P2RY12: variants seen among roughly 807,000 people sequenced by gnomAD.
The protein encoded by P2RY12 is purinergic receptor P2Y12, also known as P2Y purinoceptor 12.
Under a neutral mutation model 4.5 loss-of-function variants are expected in P2RY12, and 3 were observed. The observed-to-expected ratio is 0.67, with a 90% CI of 0.31 to 1.74. P2RY12 has a LOEUF of 1.74. Ranked by LOEUF, P2RY12 falls within the 40% of genes most tolerant of loss-of-function variation. The pLI, the probability that P2RY12 is intolerant of heterozygous loss-of-function variation, is 0.09. For missense variants in P2RY12, 356 were observed against 407.8 expected, an observed-to-expected ratio of 0.87 and a Z score of 1.09; for synonymous variants, 148 against 154.1, an observed-to-expected ratio of 0.96 and a Z score of 0.29.
At position 151,372,869 on chromosome 3, in the gene P2RY12, C is replaced by T. The variant is rs1278807499; in HGVS notation, c.-180+11823G>A. 1.0e-5 allele frequency: 8 copies of T among 784,094 alleles called. No homozygotes were observed. In the Admixed American group the frequency reaches 2.2e-4, roughly 22 times the overall value. 48.6% of individuals were successfully genotyped at this position (784,094 alleles called of 1,614,324 possible). A position where few individuals can be genotyped will look rare whatever the true frequency, so the allele number is the denominator to read the frequency against. On this transcript the variant is annotated intron_variant, in intron 1 of 2. Transcript: ENST00000302632. ...CTTGTGCATAGGTGGGCCTTTTTTT[C>T]TTGCTCACTTTATTTCGAAATAATT... is the stretch of plus-strand genomic sequence containing the variant.
At chr3:151,370,682 TAATA>T (rs1756066280) in intron 1 of P2RY12, among the ~76,000 whole-genome samples, 1 of 152,206 alleles carries the variant, frequency 6.6e-6, no homozygotes, top group African/African-American at 2.4e-5. Flanking sequence ...CGGTTCTACT[TAATA>T]AATAAATGTA....
At chr3:151,350,341 A>AG in intron 1 of P2RY12, 2 of 701,044 alleles carry the variant, frequency 2.9e-6, no homozygotes, top group African/African-American at 1.8e-5. Context: ...TTGAAATGTG[A>AG]ACAAGCACAT....
At chr3:151,352,012 G>C (rs186209430) in intron 1 of P2RY12, among the ~76,000 whole-genome samples, 4 of 152,200 alleles carry the variant, frequency 2.6e-5, no homozygotes, top group Admixed American at 6.5e-5. Flanking sequence ...GGACCAGAAG[G>C]GTTTTGGATT....
intron 1 of P2RY12, among the ~76,000 whole-genome samples, chr3:151,368,760 A>ATTTTTTTTTT (rs201834162): frequency 1.2e-5 from 1 of 80,314 alleles, no homozygotes; most frequent in Non-Finnish European, 2.6e-5. Context: ...ATGTCATTTC[A>ATTTTTTTTTT]TTTTTTTTTT....
chr3:151,376,167 A>G (rs748302789), intron 1 of P2RY12: 2 of 1,606,610 alleles, frequency 1.2e-6, no homozygotes, highest in Non-Finnish European at 8.5e-7. Context: ...TAAAGAATGT[A>G]CCGAGGGGGA....
chr3:151,382,764 A>AT (rs748478045), intron 1 of P2RY12: 3 of 1,587,642 alleles, frequency 1.9e-6, no homozygotes, highest in Admixed American at 1.7e-5. Context: ...CATTTCTAGT[A>AT]TTTTCCCTCC....
chr3:151,338,313 A>G lies in P2RY12; in HGVS notation c.533T>C (p.Leu178Pro). Reference sequence around the variant, plus strand: ...CCAGACTAGACCGAACTCTGATTTAAGGAAAGAGCATTTCTTCACATTCTT... The same window carrying G: ...CCAGACTAGACCGAACTCTGATTTAGGGAAAGAGCATTTCTTCACATTCTT... ...RDKNVKKCSF[L>P]KSEFGLVWHE... Residue 178 changes from leucine (L) to proline (P), a missense_variant, in exon 3 of 3, where the codon CTT becomes CCT. Transcript: ENST00000302632. 2 of 1,614,134 alleles carry G rather than the reference A, an allele frequency of 1.2e-6. No homozygotes were observed. The highest frequency in any genetic ancestry group is 1.7e-6 in the Non-Finnish European group (2 of 1,180,002).
intron 1 of P2RY12, among the ~76,000 whole-genome samples, chr3:151,368,473 G>A (rs1377604519): frequency 6.6e-6 from 1 of 152,070 alleles, no homozygotes; most frequent in Non-Finnish European, 1.5e-5. Flanking sequence ...GAGTTAGTAA[G>A]CAATAAAAAT....
At chr3:151,357,675 G>T (rs73006595) in intron 1 of P2RY12, among the ~76,000 whole-genome samples, 3,343 of 152,214 alleles carry the variant, frequency 0.022, 118 homozygotes, top group African/African-American at 0.078. Context: ...CAGCATCCTG[G>T]CATATTATGA....
intron 1 of P2RY12, among the ~76,000 whole-genome samples, chr3:151,373,679 T>C (rs1162202532): frequency 2.0e-5 from 3 of 152,194 alleles, no homozygotes; most frequent in African/African-American, 7.2e-5. Flanking sequence ...TATAATATAC[T>C]GTACTTAGTT....
chr3:151,358,554 G>A (rs1754215912), intron 1 of P2RY12, among the ~76,000 whole-genome samples: 1 of 151,966 alleles, frequency 6.6e-6, no homozygotes, highest in African/African-American at 2.4e-5. Flanking sequence ...TTAATGGGTT[G>A]TGACAAGTTT....
At chr3:151,365,555 A>G (rs186357312) in intron 1 of P2RY12, among the ~76,000 whole-genome samples, 165 of 152,324 alleles carry the variant, frequency 1.1e-3, no homozygotes, top group African/African-American at 3.4e-3. Flanking sequence ...AAATTTTTTG[A>G]TGCCCTTAAA....
At chr3:151,372,586 T>C (rs1439332261) in intron 1 of P2RY12, 5 of 1,613,800 alleles carry the variant, frequency 3.1e-6, no homozygotes, top group Non-Finnish European at 4.2e-6. Context: ...AAATTGGCAA[T>C]AACAGTGTCA....
chr3:151,382,975 C>T (rs1017121438), intron 1 of P2RY12, among the ~76,000 whole-genome samples: 1 of 152,126 alleles, frequency 6.6e-6, no homozygotes, highest in African/African-American at 2.4e-5. Flanking sequence ...ATAGATTTGC[C>T]TTCTCTACCT....
At chr3:151,384,590 C>T (rs1192125568) in intron 1 of P2RY12, 102 bp downstream of exon 1, 2 of 187,986 alleles carry the variant, frequency 1.1e-5, no homozygotes, top group South Asian at 1.4e-4. Flanking sequence ...TTCATTTGAC[C>T]GACCACTAAC....
At chr3:151,381,925 C>G (rs568084417) in intron 1 of P2RY12, among the ~76,000 whole-genome samples, 2 of 152,168 alleles carry the variant, frequency 1.3e-5, no homozygotes, top group African/African-American at 4.8e-5. Context: ...TAAGATGACT[C>G]TCATTAATGA....
At chr3:151,364,542 C>G (rs1755047281) in intron 1 of P2RY12, among the ~76,000 whole-genome samples, 1 of 152,168 alleles carries the variant, frequency 6.6e-6, no homozygotes, top group Non-Finnish European at 1.5e-5. Flanking sequence ...ACTGCGTACA[C>G]TATACCAGAG....
intron 1 of P2RY12, chr3:151,365,138 G>A (rs563710687): frequency 3.8e-5 from 62 of 1,613,992 alleles, no homozygotes; most frequent in Admixed American, 1.3e-4. Context: ...GTGACAATGC[G>A]GCCAATCGCT....
At chr3:151,360,810 T>C (rs1754513416) in intron 1 of P2RY12, among the ~76,000 whole-genome samples, 1 of 152,172 alleles carries the variant, frequency 6.6e-6, no homozygotes, top group African/African-American at 2.4e-5. Context: ...ACAATGTAAA[T>C]GTGTGATCAT....
Sources: allele counts gnomAD v4.1 joint callset (sites outside exome capture counted in the v4.1 genomes callset), GRCh38; gene constraint gnomAD v4.1.1; transcripts MANE v1.5; gene names NCBI Gene and HGNC (gene_info 2026-07-23, HGNC 2026-07-21).